The following LSAMP variants were observed in gnomAD, a reference collection of about 807,000 sequenced individuals.
LSAMP encodes limbic system associated membrane protein, also known as limbic system-associated membrane protein.
In LSAMP, 7 loss-of-function variants were observed where a neutral mutation model predicts 38.6. That is an observed-to-expected ratio of 0.18 (90% CI 0.10 to 0.34). The LOEUF (loss-of-function observed/expected upper bound fraction) is 0.34. Ranked by LOEUF, LSAMP falls within the 10% of genes least tolerant of loss-of-function variation. The pLI, the probability that LSAMP is intolerant of heterozygous loss-of-function variation, is 1.00. For synonymous variants in LSAMP, 154 were observed against 166.8 expected, an observed-to-expected ratio of 0.92 and a Z score of 0.59; for missense variants, 313 against 420.0, an observed-to-expected ratio of 0.75 and a Z score of 2.23.
chr3:116,216,158 C>G (rs1178533543), intron 1 of LSAMP, among the ~76,000 whole-genome samples: 1 of 152,154 alleles, frequency 6.6e-6, no homozygotes, highest in Non-Finnish European at 1.5e-5. Flanking sequence ...GTTTAAGCCT[C>G]TTATTATGTG....
intron 1 of LSAMP, among the ~76,000 whole-genome samples, chr3:116,297,264 C>T (rs939693441): frequency 1.3e-5 from 2 of 152,088 alleles, no homozygotes; most frequent in African/African-American, 2.4e-5. Flanking sequence ...TATTAATAAT[C>T]TTCAAAAGGG....
At chr3:116,439,181 A>G (rs2049396134) in intron 1 of LSAMP, among the ~76,000 whole-genome samples, 2 of 152,134 alleles carry the variant, frequency 1.3e-5, no homozygotes, top group Admixed American at 1.3e-4. Context: ...TCCCCAGCTG[A>G]TGGTACTGTG....
At chr3:116,173,584 C>T (rs574957177) in intron 1 of LSAMP, among the ~76,000 whole-genome samples, 2 of 152,054 alleles carry the variant, frequency 1.3e-5, no homozygotes, top group South Asian at 4.1e-4. Flanking sequence ...TATATGTGTG[C>T]AAACCTATAC....
At chr3:116,050,592 AG>A (rs966529014) in intron 2 of LSAMP, among the ~76,000 whole-genome samples, 1 of 152,134 alleles carries the variant, frequency 6.6e-6, no homozygotes, top group Non-Finnish European at 1.5e-5. Context: ...AGCCTAGAAA[AG>A]CACCAGCAAA....
At chr3:116,239,557 T>C (rs1440862084) in intron 1 of LSAMP, among the ~76,000 whole-genome samples, 1 of 152,190 alleles carries the variant, frequency 6.6e-6, no homozygotes, top group Admixed American at 6.5e-5. Flanking sequence ...TAACATGTTG[T>C]ACCCTAAATT....
At chr3:116,122,141 T>C (rs1261736239) in intron 1 of LSAMP, among the ~76,000 whole-genome samples, 2 of 152,172 alleles carry the variant, frequency 1.3e-5, no homozygotes, top group Non-Finnish European at 2.9e-5. Context: ...GCTAACAAAA[T>C]AACATTATTT....
intron 3 of LSAMP, among the ~76,000 whole-genome samples, chr3:115,958,103 C>T (rs567065484): frequency 6.6e-6 from 1 of 152,126 alleles, no homozygotes; most frequent in South Asian, 2.1e-4. Flanking sequence ...TGCACACACA[C>T]ATACATACGC....
chr3:116,207,818 C>T (rs1198126860), intron 1 of LSAMP, among the ~76,000 whole-genome samples: 3 of 152,338 alleles, frequency 2.0e-5, no homozygotes. Context: ...CCCGACCTTT[C>T]TCTTTGGCTG....
At chr3:116,039,876 T>C (rs1941128585) in intron 2 of LSAMP, among the ~76,000 whole-genome samples, 3 of 152,192 alleles carry the variant, frequency 2.0e-5, no homozygotes, top group South Asian at 2.1e-4. Context: ...CCAGCTTGTC[T>C]CTTTAAGGTT....
intron 3 of LSAMP, among the ~76,000 whole-genome samples, chr3:115,949,780 A>G (rs942838643): frequency 1.2e-4 from 19 of 152,014 alleles, no homozygotes; most frequent in Non-Finnish European, 2.5e-4. Flanking sequence ...GGACATAACA[A>G]AGAAAAAAAA....
chr3:116,134,711 C>T (rs926366631), intron 1 of LSAMP, among the ~76,000 whole-genome samples: 4 of 152,184 alleles, frequency 2.6e-5, no homozygotes, highest in African/African-American at 2.4e-5. Context: ...TTCCATCCTC[C>T]AGTCACTCTC....
intron 1 of LSAMP, among the ~76,000 whole-genome samples, chr3:116,170,792 A>G (rs752869917): frequency 6.6e-6 from 1 of 152,160 alleles, no homozygotes; most frequent in East Asian, 1.9e-4. Context: ...ACTGATTTAC[A>G]CAATGAAGAC....
chr3:116,365,956 A>G (rs2048345776), intron 1 of LSAMP, among the ~76,000 whole-genome samples: 1 of 100,422 alleles, frequency 1.0e-5, no homozygotes, highest in Non-Finnish European at 1.9e-5. Flanking sequence ...TGGCACATGT[A>G]TACATATGTA....
At chr3:116,436,054 T>G (rs774110641) in intron 1 of LSAMP, among the ~76,000 whole-genome samples, 6 of 152,128 alleles carry the variant, frequency 3.9e-5, no homozygotes, top group Non-Finnish European at 4.4e-5. Context: ...TTCTACCAAA[T>G]GCAAAAACAG....
At chr3:116,391,711 T>C (rs150925568) in intron 1 of LSAMP, among the ~76,000 whole-genome samples, 35 of 152,304 alleles carry the variant, frequency 2.3e-4, no homozygotes, top group Non-Finnish European at 4.0e-4. Flanking sequence ...CAGCAGACCG[T>C]CTGGAGCGGC....
intron 6 of LSAMP, chr3:115,816,652 A>G: frequency 1.6e-6 from 2 of 1,284,700 alleles, no homozygotes; most frequent in Non-Finnish European, 1.0e-6. Flanking sequence ...AATTTCTAAA[A>G]TAAGAAACAT....
At chr3:116,349,633 C>T (rs1047476923) in intron 1 of LSAMP, among the ~76,000 whole-genome samples, 5 of 151,732 alleles carry the variant, frequency 3.3e-5, no homozygotes, top group Non-Finnish European at 7.4e-5. Context: ...TATTGACCCT[C>T]ACAAAATATA....
chr3:116,023,503 G>A (rs1940695768), intron 2 of LSAMP, among the ~76,000 whole-genome samples: 1 of 150,940 alleles, frequency 6.6e-6, no homozygotes, highest in Non-Finnish European at 1.5e-5. Context: ...TACTCGGGAG[G>A]CTGAGGCAGC....
At chr3:116,089,592 C>T (rs781411540) in intron 1 of LSAMP, among the ~76,000 whole-genome samples, 4 of 152,046 alleles carry the variant, frequency 2.6e-5, no homozygotes, top group Non-Finnish European at 5.9e-5. Flanking sequence ...CTCCTGACCT[C>T]GTGATCCGCC....
Sources: allele counts gnomAD v4.1 joint callset (sites outside exome capture counted in the v4.1 genomes callset), GRCh38; gene constraint gnomAD v4.1.1; transcripts MANE v1.5; gene names NCBI Gene and HGNC (gene_info 2026-07-23, HGNC 2026-07-21).